Variants in MPP7 observed in about 807,000 individuals in gnomAD.
The protein encoded by MPP7 is MAGUK p55 scaffold protein 7.
A neutral mutation model predicts 76.5 loss-of-function variants in MPP7; 60 were observed. The observed-to-expected ratio is 0.78, with a 90% CI of 0.64 to 0.97. The LOEUF (loss-of-function observed/expected upper bound fraction) is 0.97, where lower values mean the gene tolerates loss of function less well. Among genes scored for constraint, MPP7 ranks in the 50% least tolerant of loss-of-function variants. MPP7 has a pLI of 0.00. For missense variants in MPP7, 641 were observed against 694.0 expected (o/e 0.92, Z 0.86); for synonymous variants, 237 against 244.5 (o/e 0.97, Z 0.29).
chr10:28,197,278 G>A (rs537349649), intron 3 of MPP7, among the ~76,000 whole-genome samples: 12 of 150,846 alleles, frequency 8.0e-5, no homozygotes, highest in African/African-American at 2.9e-4. Context: ...TGCCTCCCAG[G>A]TTCAAGCAAT....
At chr10:28,121,718 C>T (rs1489797666) in intron 8 of MPP7, among the ~76,000 whole-genome samples, 1 of 151,100 alleles carries the variant, frequency 6.6e-6, no homozygotes, top group Non-Finnish European at 1.5e-5. Context: ...ATACTTGGCA[C>T]ATTTGAAAGA....
intron 1 of MPP7, among the ~76,000 whole-genome samples, chr10:28,268,522 A>C (rs184390252): frequency 1.3e-5 from 2 of 152,260 alleles, no homozygotes; most frequent in East Asian, 3.9e-4. Context: ...ACTTGAGGTA[A>C]GGAGTTCGAG....
At chr10:28,235,658 C>T (rs1046338663) in intron 2 of MPP7, among the ~76,000 whole-genome samples, 1 of 152,088 alleles carries the variant, frequency 6.6e-6, no homozygotes, top group African/African-American at 2.4e-5. Flanking sequence ...TGTGTAAAAA[C>T]AAATCTTTAA....
At chr10:28,179,858 A>G (rs1280448648) in intron 3 of MPP7, among the ~76,000 whole-genome samples, 2 of 152,224 alleles carry the variant, frequency 1.3e-5, no homozygotes, top group South Asian at 2.1e-4. Context: ...TATAATTTAT[A>G]ACATTCCAAT....
At chr10:28,085,551 G>A (rs555830136) in intron 12 of MPP7, among the ~76,000 whole-genome samples, 1 of 152,158 alleles carries the variant, frequency 6.6e-6, no homozygotes, top group Non-Finnish European at 1.5e-5. Flanking sequence ...TTGAAGCAAT[G>A]CAATTAATTA....
chr10:28,320,757 A>G (rs142982288), intron 2 of MPP7, among the ~76,000 whole-genome samples: 1 of 152,112 alleles, frequency 6.6e-6, no homozygotes, highest in East Asian at 1.9e-4. Context: ...TAGAATAATT[A>G]CTTAATATCT....
intron 7 of MPP7, among the ~76,000 whole-genome samples, 174 bp downstream of exon 7, chr10:28,124,836 T>C (rs561512223): frequency 1.3e-5 from 2 of 152,248 alleles, no homozygotes; most frequent in South Asian, 4.1e-4. Flanking sequence ...CATAGAGTAA[T>C]GTTTATCTAT....
At chr10:28,134,673 C>G (rs971422133) in intron 5 of MPP7, among the ~76,000 whole-genome samples, 1 of 152,092 alleles carries the variant, frequency 6.6e-6, no homozygotes, top group Non-Finnish European at 1.5e-5. Context: ...TAAACGTTCA[C>G]GAAGCCTGAT....
chr10:28,291,585 C>A (rs75472515), intron 1 of MPP7, among the ~76,000 whole-genome samples: 1 of 151,502 alleles, frequency 6.6e-6, no homozygotes, highest in African/African-American at 2.4e-5. Flanking sequence ...CCAGCCTGGG[C>A]GACAGAGACA....
chr10:28,056,554 G>A lies in MPP7; in HGVS notation c.1477C>T (p.Arg493Cys), dbSNP rs1282972357. Reference protein sequence around the residue: ...VIFIKPPSIERLRETRKNAKI... With the variant: ...VIFIKPPSIECLRETRKNAKI... ...GCATTTTTTCTTGTTTCTCTCAAAC[G>A]CTCTATTGATGGAGGCTTTATAAAT... is the stretch of plus-strand genomic sequence containing the variant. Residue 493 changes from arginine to cysteine, a missense_variant, in exon 16 of 17, where the codon CGT becomes TGT. By Grantham distance (180) the Arg-to-Cys change is radical. Transcript: ENST00000683449. 13 of 1,611,674 alleles carry A rather than the reference G, an allele frequency of 8.1e-6. No individual in the cohort carries two copies. The highest frequency in any genetic ancestry group is 1.1e-5 in the South Asian group (1 of 90,608).
intron 6 of MPP7, among the ~76,000 whole-genome samples, chr10:28,125,644 A>G (rs1177014870): frequency 6.6e-6 from 1 of 152,136 alleles, no homozygotes. Context: ...ATAATTATAA[A>G]GAAAAAGAAA....
intron 8 of MPP7, 82 bp from the exon 9 acceptor site, chr10:28,120,750 T>C: frequency 9.3e-7 from 1 of 1,080,966 alleles, no homozygotes; most frequent in Non-Finnish European, 1.4e-6. Context: ...GTGAAATGCA[T>C]CTGAAAATTT....
chr10:28,269,063 A>T (rs1840237978), intron 1 of MPP7, among the ~76,000 whole-genome samples: 1 of 152,206 alleles, frequency 6.6e-6, no homozygotes, highest in Non-Finnish European at 1.5e-5. Flanking sequence ...TTTCTTTCCC[A>T]TAACTATTTC....
At chr10:28,191,805 C>G (rs1309456721) in intron 3 of MPP7, among the ~76,000 whole-genome samples, 1 of 152,072 alleles carries the variant, frequency 6.6e-6, no homozygotes, top group Non-Finnish European at 1.5e-5. Context: ...ACAAGAAAAT[C>G]ATATGATCAT....
intron 1 of MPP7, among the ~76,000 whole-genome samples, chr10:28,249,126 T>C (rs1839529674): frequency 6.6e-6 from 1 of 151,712 alleles, no homozygotes; most frequent in South Asian, 2.1e-4. Context: ...ATTTTAGCTA[T>C]GATAATATTA....
chr10:28,253,511 A>G (rs1428179356), intron 1 of MPP7, among the ~76,000 whole-genome samples: 1 of 152,192 alleles, frequency 6.6e-6, no homozygotes, highest in Non-Finnish European at 1.5e-5. Context: ...TGCTAACACT[A>G]TTTCAACATC....
chr10:28,055,110 G>A (rs1307447586), intron 16 of MPP7, among the ~76,000 whole-genome samples: 1 of 152,184 alleles, frequency 6.6e-6, no homozygotes, highest in Non-Finnish European at 1.5e-5. Context: ...AAGAATATGT[G>A]ATCCTTTCTT....
At chr10:28,298,479 C>T (rs540233937) in intron 1 of MPP7, among the ~76,000 whole-genome samples, 2 of 152,270 alleles carry the variant, frequency 1.3e-5, no homozygotes, top group South Asian at 2.1e-4. Flanking sequence ...CAGTGGGTCT[C>T]GACAGTGAGC....
intron 2 of MPP7, among the ~76,000 whole-genome samples, chr10:28,316,520 G>A (rs1834322562): frequency 1.4e-5 from 2 of 141,442 alleles, no homozygotes; most frequent in Admixed American, 7.3e-5. Context: ...TGCTAACAAT[G>A]CACCAGCGCT....
Sources: gnomAD v4.1 joint callset for allele counts (sites outside exome capture counted in the v4.1 genomes callset) on GRCh38, gnomAD v4.1.1 for gene constraint, MANE v1.5 for transcripts, NCBI Gene and HGNC (gene_info 2026-07-23, HGNC 2026-07-21) for gene names.